TNIK: variants seen among roughly 807,000 people sequenced by gnomAD.
TNIK encodes TRAF2 and NCK-interacting protein kinase.
Under a neutral mutation model 191.3 loss-of-function variants are expected in TNIK, and 49 were observed. That is an observed-to-expected ratio of 0.26 (90% confidence interval 0.20 to 0.32). TNIK has a LOEUF of 0.32. Among genes scored for constraint, TNIK ranks in the 10% least tolerant of loss-of-function variants. TNIK has a pLI of 1.00. For synonymous variants in TNIK, 594 were observed against 600.9 expected (o/e 0.99, Z 0.17); for missense variants, 1,155 against 1,702.3 (o/e 0.68, Z 5.66).
At position 171,087,487 on chromosome 3, in the gene TNIK, C is replaced by T. The variant is rs762006959; in HGVS notation, c.2741G>A (p.Arg914Gln). 2.2e-5 allele frequency: 35 copies of T among 1,613,634 alleles called. No homozygotes were observed. The Admixed American group carries it at 4.7e-4, about 22-fold the overall frequency. ...MIRETSGEKKRSGHSDSNGFA... is the reference protein window; with the variant it reads ...MIRETSGEKKQSGHSDSNGFA... ...GCCATTGCTGTCACTGTGGCCAGAT[C>T]GCTTCTTCTCTCCAGACGTCTGAGG... is the stretch of plus-strand genomic sequence containing the variant. Residue 914 changes from arginine to glutamine, a missense_variant, in exon 24 of 33, where the codon CGA becomes CAA. By Grantham distance (43) the Arg-to-Gln change is conservative (BLOSUM62 1). Around this residue, in one of 3 missense-constraint regions of TNIK, gnomAD observed 735 missense variants for 848.0 expected, o/e 0.87. Transcript: ENST00000436636.
chr3:171,433,893 T>G (rs574029528), intron 1 of TNIK, among the ~76,000 whole-genome samples: 1 of 151,594 alleles, frequency 6.6e-6, no homozygotes, highest in East Asian at 1.9e-4. Context: ...TCTAGATATT[T>G]TACACTTATT....
intron 2 of TNIK, among the ~76,000 whole-genome samples, chr3:171,305,842 C>T (rs1171344321): frequency 6.6e-6 from 1 of 152,098 alleles, no homozygotes; most frequent in Non-Finnish European, 1.5e-5. Flanking sequence ...ACTACCATTT[C>T]GACCCAGCAA....
intron 2 of TNIK, among the ~76,000 whole-genome samples, chr3:171,263,998 T>C (rs1748013290): frequency 6.6e-6 from 1 of 151,750 alleles, no homozygotes; most frequent in South Asian, 2.1e-4. Context: ...CTACGGAGTT[T>C]GTGAGATTTT....
chr3:171,120,183 C>G (rs541391441), intron 18 of TNIK, among the ~76,000 whole-genome samples: 1 of 152,110 alleles, frequency 6.6e-6, no homozygotes, highest in South Asian at 2.1e-4. Context: ...CCCAAATGAT[C>G]AAAAAACATC....
At chr3:171,120,554 C>T (rs1008080345) in intron 18 of TNIK, among the ~76,000 whole-genome samples, 4 of 152,074 alleles carry the variant, frequency 2.6e-5, no homozygotes, top group Non-Finnish European at 2.9e-5. Context: ...CTCCTGACCT[C>T]GTGATCCACC....
At chr3:171,362,592 A>G (rs1715142114) in intron 2 of TNIK, among the ~76,000 whole-genome samples, 2 of 152,200 alleles carry the variant, frequency 1.3e-5, no homozygotes, top group Non-Finnish European at 2.9e-5. Context: ...GAACTGGCAC[A>G]TGTGTTTGGG....
intron 2 of TNIK, among the ~76,000 whole-genome samples, chr3:171,274,216 T>G (rs571096004): frequency 6.6e-6 from 1 of 152,346 alleles, no homozygotes; most frequent in Non-Finnish European, 1.5e-5. Context: ...AACATCCTCA[T>G]TCCAATTTTC....
At chr3:171,196,017 C>T (rs945019758) in intron 4 of TNIK, among the ~76,000 whole-genome samples, 1 of 152,096 alleles carries the variant, frequency 6.6e-6, no homozygotes, top group Non-Finnish European at 1.5e-5. Context: ...TTTAAATGTG[C>T]TTAATTAAAT....
intron 12 of TNIK, among the ~76,000 whole-genome samples, chr3:171,142,315 TATAAAATG>T (rs1730947364): frequency 6.6e-6 from 1 of 152,184 alleles, no homozygotes; most frequent in South Asian, 2.1e-4. Flanking sequence ...TGGATCTAGG[TATAAAATG>T]ATAGGGCATC....
chr3:171,188,634 T>G (rs1737662636), intron 7 of TNIK, 68 bp downstream of exon 7: 6 of 1,578,332 alleles, frequency 3.8e-6, no homozygotes, highest in Admixed American at 3.5e-5. Context: ...TATAAGGGCA[T>G]GTAAGACTTT....
chr3:171,179,109 A>G (rs1260069519), intron 7 of TNIK, among the ~76,000 whole-genome samples: 2 of 152,158 alleles, frequency 1.3e-5, no homozygotes, highest in Admixed American at 1.3e-4. Context: ...GATTCTTTCA[A>G]TGTTACCAGT....
intron 4 of TNIK, among the ~76,000 whole-genome samples, chr3:171,199,168 A>G (rs1739089814): frequency 1.3e-5 from 2 of 151,714 alleles, no homozygotes; most frequent in Admixed American, 1.3e-4. Context: ...TCCTCTCACT[A>G]TGGAACAAAA....
At chr3:171,179,053 G>A (rs891436735) in intron 7 of TNIK, among the ~76,000 whole-genome samples, 16 of 152,316 alleles carry the variant, frequency 1.1e-4, no homozygotes, top group African/African-American at 3.4e-4. Flanking sequence ...CTACCTGAGA[G>A]CAGGTGGCTG....
At chr3:171,384,572 G>C (rs1336375416) in intron 1 of TNIK, among the ~76,000 whole-genome samples, 1 of 152,210 alleles carries the variant, frequency 6.6e-6, no homozygotes, top group African/African-American at 2.4e-5. Flanking sequence ...GGGAAACATA[G>C]AAAACATCCA....
In TNIK at chr3:171,063,854, T is replaced by C. The variant is rs748351400; in HGVS notation, c.*27A>G. On this transcript the variant is annotated 3_prime_UTR_variant, in exon 33 of 33. Transcript: ENST00000436636. ...TTCTTTTAAATTAGAAATAACGCCA[T>C]GAAGATAAGTGCCAAGTGCTCTTCT... is the stretch of plus-strand genomic sequence containing the variant. 6.2e-6 allele frequency: 10 copies of C among 1,607,338 alleles called. No individual in the cohort carries two copies. Among genetic ancestry groups the C allele is most frequent in the Non-Finnish European group, 8.5e-6 (10 of 1,176,188 alleles).
chr3:171,186,207 C>G (rs1737350708), intron 7 of TNIK, among the ~76,000 whole-genome samples: 1 of 152,186 alleles, frequency 6.6e-6, no homozygotes, highest in Non-Finnish European at 1.5e-5. Flanking sequence ...GGTTACATTC[C>G]TAAGGATACT....
chr3:171,302,488 G>T (rs1339497468), intron 2 of TNIK, among the ~76,000 whole-genome samples: 1 of 152,200 alleles, frequency 6.6e-6, no homozygotes, highest in Non-Finnish European at 1.5e-5. Context: ...CAATGTCAGT[G>T]CATCTTTGGG....
chr3:171,068,882 G>C lies in TNIK; in HGVS notation c.3665C>G (p.Ser1222Ter). 1 of 1,613,698 alleles carries C rather than the reference G, an allele frequency of 6.2e-7. No individual in the cohort carries two copies. Among genetic ancestry groups the C allele is most frequent in the Non-Finnish European group, 8.5e-7 (1 of 1,179,750 alleles). Reference sequence around the variant, plus strand: ...TATGTAGATATCATAAGAGTTTCCTGAATCAACATCAATTACATGGAAACC... The same window carrying C: ...TATGTAGATATCATAAGAGTTTCCTCAATCAACATCAATTACATGGAAACC... ...HTGFHVIDVD[S>*]GNSYDIYIPS... is the part of the protein sequence containing the mutation. The change falls in exon 30 of 33, where the codon TCA becomes TGA. Residue 1222 changes from serine (S) to a stop codon, truncating the protein, a stop_gained. Coordinates refer to ENST00000436636, the MANE Select transcript of TNIK (RefSeq NM_015028.4). LOFTEE classifies it high-confidence loss of function.
intron 1 of TNIK, among the ~76,000 whole-genome samples, chr3:171,459,017 G>C (rs961321615): frequency 1.4e-4 from 22 of 152,142 alleles, no homozygotes; most frequent in African/African-American, 5.3e-4. Context: ...GGGAGTTGGG[G>C]GTGGGGAAGC....
Sources: gnomAD v4.1 joint callset for allele counts (sites outside exome capture counted in the v4.1 genomes callset) on GRCh38, gnomAD v4.1.1 for gene constraint, gnomAD v4.1.1 regional missense constraint, MANE v1.5 for transcripts, NCBI Gene and HGNC (gene_info 2026-07-23, HGNC 2026-07-21) for gene names.